The following ARRB2 variants were observed in gnomAD, a reference collection of about 807,000 sequenced individuals.
The protein encoded by ARRB2 is arrestin beta 2.
Under a neutral mutation model 53.4 loss-of-function variants are expected in ARRB2, and 21 were observed. That is an observed-to-expected ratio of 0.39 (90% CI 0.28 to 0.57). ARRB2 has a LOEUF of 0.57. ARRB2 is among the 20% of genes least tolerant of loss of function. ARRB2 has a pLI of 0.55. For missense variants in ARRB2, 369 were observed against 527.5 expected (o/e 0.70, Z 2.94); for synonymous variants, 180 against 212.9 (o/e 0.85, Z 1.34).
At chr17:4,716,881 C>A in intron 5 of ARRB2, 1 of 651,318 alleles carries the variant, frequency 1.5e-6, no homozygotes, top group Non-Finnish European at 2.6e-6. Flanking sequence ...GTCGCCCAGG[C>A]TGGAGTGCAG....
chr17:4,712,215 G>C (rs1304704665), intron 1 of ARRB2, among the ~76,000 whole-genome samples: 1 of 152,238 alleles, frequency 6.6e-6, no homozygotes, highest in African/African-American at 2.4e-5. Context: ...TCCCAAGTTG[G>C]GATGAAAGAT....
chr17:4,711,658 G>A (rs531878199), intron 1 of ARRB2, among the ~76,000 whole-genome samples: 6 of 152,212 alleles, frequency 3.9e-5, no homozygotes, highest in Non-Finnish European at 7.4e-5. Context: ...TGAGCATCAA[G>A]TAGACGAGCA....
At position 4,718,010 on chromosome 17, in the gene ARRB2, C is replaced by T; in HGVS notation, c.608C>T (p.Ser203Phe). 2 of 1,613,426 alleles carry T rather than the reference C, an allele frequency of 1.2e-6. No individual in the cohort carries two copies. The highest frequency in any genetic ancestry group is 8.5e-7 in the Non-Finnish European group (1 of 1,180,018). ...GACCGGTCCCTGCACCTCGAGGCTT[C>T]CCTGGACAAGGAGGTGGGGCGTGAG... ...MSDRSLHLEA[S>F]LDKELYYHGE... Residue 203 changes from serine to phenylalanine, a missense_variant, in exon 8 of 15, where the codon TCC (serine) becomes TTC (phenylalanine). Ser to Phe is a radical substitution (Grantham distance 155, BLOSUM62 -2). Transcript: ENST00000269260.
intron 10 of ARRB2, among the ~76,000 whole-genome samples, chr17:4,719,037 G>A (rs1481362178): frequency 6.6e-6 from 1 of 152,192 alleles, no homozygotes; most frequent in African/African-American, 2.4e-5. Flanking sequence ...GCCTCTCAAA[G>A]TGCTGGGATT....
intron 1 of ARRB2, among the ~76,000 whole-genome samples, chr17:4,714,005 TG>T (rs1268889950): frequency 6.6e-6 from 1 of 152,152 alleles, no homozygotes; most frequent in African/African-American, 2.4e-5. Flanking sequence ...TTGAAACACT[TG>T]GAACAGTGCT....
At chr17:4,719,793 G>A (rs191752918) in intron 11 of ARRB2, among the ~76,000 whole-genome samples, 8 of 152,240 alleles carry the variant, frequency 5.3e-5, no homozygotes, top group East Asian at 1.9e-4. Context: ...AGGTGCCATC[G>A]TGCCCTCGGG....
chr17:4,710,858 C>T, intron 1 of ARRB2, 114 bp downstream of exon 1: 1 of 396,438 alleles, frequency 2.5e-6, no homozygotes, highest in Non-Finnish European at 4.4e-6. Flanking sequence ...GCCTGGGTCC[C>T]TAGGGACAGC....
intron 1 of ARRB2, among the ~76,000 whole-genome samples, chr17:4,711,465 C>T (rs1489797767): frequency 6.6e-6 from 1 of 152,126 alleles, no homozygotes; most frequent in Non-Finnish European, 1.5e-5. Context: ...TCAACACCCC[C>T]AAGGGGCAAG....
Position 4,720,934 on chromosome 17 carries a change from CCCA to C in ARRB2, c.1137-5_1137-3del. The C allele has an allele frequency of 6.2e-7, 1 of 1,613,594 alleles. No homozygotes were observed. The highest frequency in any genetic ancestry group is 8.5e-7 in the Non-Finnish European group (1 of 1,179,602). The stretch of plus-strand genomic sequence containing the variant: ...AAGCCCTCACCTCACAACCCTCTTT[CCCA>C]CCACCAAGCTATGCCACAGATGATG... On this transcript the variant is annotated splice_polypyrimidine_tract_variant and intron_variant, in intron 14 of 14. Transcript: ENST00000269260.
Position 4,720,275 on chromosome 17 carries a change from T to C in ARRB2, c.977T>C (p.Val326Ala). ...ATCCTGGTGTCCTACAGGGTCAAGG[T>C]GAAGCTGGTGGTGTCTCGAGGCGGG... Reference protein sequence around the residue: ...LGILVSYRVKVKLVVSRGGDV... With the variant: ...LGILVSYRVKAKLVVSRGGDV... The change falls in exon 12 of 15, where the codon GTG (valine) becomes GCG (alanine). Residue 326 changes from valine (V) to alanine (A), a missense_variant. Transcript: ENST00000269260. 1.2e-6 allele frequency: 2 copies of C among 1,613,766 alleles called. No individual in the cohort carries two copies. Among genetic ancestry groups the C allele is most frequent in the Non-Finnish European group, 1.7e-6 (2 of 1,179,886 alleles).
chr17:4,720,526 G>A, intron 13 of ARRB2, 54 bp downstream of exon 13: 2 of 1,585,800 alleles, frequency 1.3e-6, no homozygotes, highest in Non-Finnish European at 1.7e-6. Flanking sequence ...AGCAGGGCCA[G>A]TGGAGGAAAA....
chr17:4,720,986 C>T lies in ARRB2; in HGVS notation c.1177C>T (p.Arg393Trp), dbSNP rs550313289. ...DDDIVFEDFA[R>W]LRLKGMKDDD... ...TGACATTGTGTTTGAGGACTTTGCC[C>T]GGCTTCGGCTGAAGGGGATGAAGGA... is the stretch of plus-strand genomic sequence containing the variant. Residue 393 changes from arginine to tryptophan, a missense_variant, in exon 15 of 15, where the codon CGG (arginine) becomes TGG (tryptophan). Physicochemically the swap from Arg to Trp is moderately radical, Grantham distance 101 (BLOSUM62 -3). Transcript: ENST00000269260. 2.5e-6 allele frequency: 4 copies of T among 1,614,022 alleles called. No homozygotes were observed. Among genetic ancestry groups the T allele is most frequent in the South Asian group, 1.1e-5 (1 of 91,080 alleles).
Position 4,716,622 on chromosome 17 carries a change from T to G in ARRB2, c.357+14T>G, listed in dbSNP as rs192983858. ...TTCTTCTTCACCGTGAGGATGCCCCTGCCCTCTGAGGGCCAGGGGGCTGGG... is the reference window on the plus strand; with the variant it reads ...TTCTTCTTCACCGTGAGGATGCCCCGGCCCTCTGAGGGCCAGGGGGCTGGG... On this transcript the variant is annotated intron_variant, in intron 5 of 14. Coordinates refer to ENST00000269260, the MANE Select transcript of ARRB2 (RefSeq NM_004313.4). The G allele has an allele frequency of 4.5e-3, 6,613 of 1,474,300 alleles. 147 individuals are homozygous for G. The highest frequency in any genetic ancestry group is 0.042 in the African/African-American group (2,926 of 69,100). 91.3% of individuals were successfully genotyped at this position (1,474,300 alleles called of 1,614,324 possible). A position where few individuals can be genotyped will look rare whatever the true frequency, so the allele number is the denominator to read the frequency against.
At chr17:4,719,513 C>G (rs1323568302) in intron 11 of ARRB2, 93 bp downstream of exon 11, 1 of 1,511,580 alleles carries the variant, frequency 6.6e-7, no homozygotes, top group Non-Finnish European at 8.9e-7. Flanking sequence ...TATCAGTGAA[C>G]AGAAGAGACA....
Position 4,710,651 on chromosome 17 carries a change from C to A in ARRB2, c.-71C>A, listed in dbSNP as rs1247276004. 5 of 398,250 alleles carry A rather than the reference C, an allele frequency of 1.3e-5. No individual in the cohort carries two copies. Among genetic ancestry groups the A allele is most frequent in the African/African-American group, 1.0e-4 (5 of 48,536 alleles). The allele number at this position is 398,250 out of a possible 1,614,324, so 24.7% of individuals were successfully genotyped here. A position where few individuals can be genotyped will look rare whatever the true frequency, so the allele number is the denominator to read the frequency against. ...GCGTGCGCATTGGCGCGGGGAGGAG[C>A]AGGGATCTTGGCAGCGGGCGAGGAG... On this transcript the variant is annotated 5_prime_UTR_variant, in exon 1 of 15. Coordinates refer to ENST00000269260, the MANE Select transcript of ARRB2 (RefSeq NM_004313.4).
chr17:4,715,834 A>G (rs1567681817), intron 2 of ARRB2, 139 bp from the exon 3 acceptor site: 1 of 956,436 alleles, frequency 1.0e-6, no homozygotes. Flanking sequence ...ACTTTCCAAC[A>G]CTATTGGGAG....
chr17:4,715,965 A>G lies in ARRB2; in HGVS notation c.55-8A>G. 6.2e-7 allele frequency: 1 copy of G among 1,614,074 alleles called. No homozygotes were observed. Among genetic ancestry groups the G allele is most frequent in the Non-Finnish European group, 8.5e-7 (1 of 1,179,992 alleles). On this transcript the variant is annotated splice_polypyrimidine_tract_variant and splice_region_variant and intron_variant, in intron 2 of 14. Coordinates refer to ENST00000269260, the MANE Select transcript of ARRB2 (RefSeq NM_004313.4). ...CCAATCTCCCCTGTGACCCCTTGAC[A>G]TCCTCAGCTCACCGTGTACTTGGGC...
rs1387793781 is a variant in ARRB2 at position 4,717,590 on chromosome 17, A to C, written c.418-95A>C. Reference sequence around the variant, plus strand: ...GGTCGTGAGACCACAATGAGGCAAGAGTCCCTGCCCGAGAGGAGGGAAGGG... The same window carrying C: ...GGTCGTGAGACCACAATGAGGCAAGCGTCCCTGCCCGAGAGGAGGGAAGGG... On this transcript the variant is annotated intron_variant, in intron 6 of 14. Coordinates refer to ENST00000269260, the MANE Select transcript of ARRB2 (RefSeq NM_004313.4). This position sits in a 1 kb window ranked among gnomAD's most constrained non-coding sequence, Gnocchi z 6.0. 1.3e-6 allele frequency: 2 copies of C among 1,487,762 alleles called. No individual in the cohort carries two copies. Among genetic ancestry groups the C allele is most frequent in the African/African-American group, 1.4e-5 (1 of 72,354 alleles). The allele number at this position is 1,487,762 out of a possible 1,614,324, so 92.2% of individuals were successfully genotyped here. A position where few individuals can be genotyped will look rare whatever the true frequency, so the allele number is the denominator to read the frequency against.
rs1387975029 is a variant in ARRB2 at position 4,718,735 on chromosome 17, C to A, written c.779+51C>A. ...CCAATCTAGGGGAGAAGAGCAGGAT[C>A]AGGAGAATGTGAGGTGGAGGAAGAA... On this transcript the variant is annotated intron_variant, in intron 10 of 14. Coordinates refer to ENST00000269260, the MANE Select transcript of ARRB2 (RefSeq NM_004313.4). 2.7e-6 allele frequency: 4 copies of A among 1,507,958 alleles called. No individual in the cohort carries two copies. The African/African-American group carries it at 4.2e-5, about 16-fold the overall frequency. 93.4% of individuals were successfully genotyped at this position (1,507,958 alleles called of 1,614,324 possible). A position where few individuals can be genotyped will look rare whatever the true frequency, so the allele number is the denominator to read the frequency against.
Sources: gnomAD v4.1 joint callset for allele counts (sites outside exome capture counted in the v4.1 genomes callset) on GRCh38, gnomAD v4.1.1 for gene constraint, Gnocchi (gnomAD v3.1) non-coding constraint, MANE v1.5 for transcripts, NCBI Gene and HGNC (gene_info 2026-07-23, HGNC 2026-07-21) for gene names.